Variants in SDAD1 observed in about 807,000 individuals in gnomAD.
The protein encoded by SDAD1 is SDA1 domain containing 1, also known as protein SDA1 homolog.
A neutral mutation model predicts 100.3 loss-of-function variants in SDAD1; 79 were observed. That is an observed-to-expected ratio of 0.79 (90% CI 0.66 to 0.95). The LOEUF (loss-of-function observed/expected upper bound fraction) is 0.95. Among genes scored for constraint, SDAD1 ranks in the 40% least tolerant of loss-of-function variants. The pLI, the probability that SDAD1 is intolerant of heterozygous loss-of-function variation, is 0.00. For synonymous variants in SDAD1, 267 were observed against 271.4 expected (o/e 0.98, Z 0.16); for missense variants, 790 against 810.9 (o/e 0.97, Z 0.31).
Position 75,967,283 on chromosome 4 carries a change from G to A in SDAD1, c.1039C>T (p.Gln347Ter), listed in dbSNP as rs1296572234. The A allele has an allele frequency of 6.2e-7, 1 of 1,614,068 alleles. No individual in the cohort carries two copies. The highest frequency in any genetic ancestry group is 2.2e-5 in the East Asian group (1 of 44,876). The change falls in exon 12 of 22, where the codon CAA (glutamine) becomes TAA (stop). Residue 347 changes from glutamine to a stop codon, truncating the protein, a stop_gained. Transcript: ENST00000356260. LOFTEE classifies it high-confidence loss of function. ...PFLQRFLQPH[Q>*]REVTKILLFA... ...ATGGCAAGTGGCAGCTTACCTCTTTGGTGGGGCTGCAGAAACCTTTGCAAA... is the reference window on the plus strand; with the variant it reads ...ATGGCAAGTGGCAGCTTACCTCTTTAGTGGGGCTGCAGAAACCTTTGCAAA...
intron 12 of SDAD1, among the ~76,000 whole-genome samples, chr4:75,966,143 A>G (rs956958317): frequency 3.9e-5 from 6 of 152,116 alleles, no homozygotes; most frequent in Non-Finnish European, 5.9e-5. Flanking sequence ...GCACATCTAC[A>G]TCTGCCTCCA....
rs1335970620 is a variant in SDAD1, at chr4:75,957,724, G to A, written c.1579-16C>T. On this transcript the variant is annotated splice_polypyrimidine_tract_variant and intron_variant, in intron 18 of 21. Coordinates refer to ENST00000356260, the MANE Select transcript of SDAD1 (RefSeq NM_018115.4). The stretch of plus-strand genomic sequence containing the variant: ...GCTTCTTGGACTTGAAACCACACAA[G>A]GGCTTAAATGGCTACCAGCTCAAGT... The A allele has an allele frequency of 3.7e-6, 6 of 1,613,676 alleles. No individual in the cohort carries two copies. The highest frequency in any genetic ancestry group is 5.1e-6 in the Non-Finnish European group (6 of 1,179,648).
chr4:75,985,840 G>C (rs1252056273), intron 1 of SDAD1, among the ~76,000 whole-genome samples: 1 of 152,082 alleles, frequency 6.6e-6, no homozygotes, highest in East Asian at 1.9e-4. Flanking sequence ...AAACTCCAAC[G>C]ATCCTTCAAT....
intron 3 of SDAD1, among the ~76,000 whole-genome samples, chr4:75,980,539 T>C (rs1730442098): frequency 6.6e-6 from 1 of 152,086 alleles, no homozygotes; most frequent in South Asian, 2.1e-4. Flanking sequence ...GACTGATTTA[T>C]TACAAGTGAT....
Position 75,956,008 on chromosome 4 carries a change from C to A in SDAD1, c.1983G>T (p.Arg661=). The A allele has an allele frequency of 6.3e-7, 1 of 1,598,968 alleles. No individual in the cohort carries two copies. The change falls in exon 21 of 22, where the codon CGG becomes CGT. Residue 661 remains arginine (R), a synonymous_variant. Transcript: ENST00000356260. ...CTCGGAAGGAACGCTTATTTTTTGA[C>A]CGGACATTCTGGCTATACCGCATCA... ...FMMMRYSQNV[R]SKNKRSFREK...
intron 21 of SDAD1, among the ~76,000 whole-genome samples, chr4:75,954,963 A>C (rs1345699738): frequency 6.6e-6 from 1 of 152,112 alleles, no homozygotes; most frequent in Non-Finnish European, 1.5e-5. Context: ...AAGGCATACT[A>C]CCTTCTGAGA....
At chr4:75,962,321 C>A (rs893068650) in intron 14 of SDAD1, among the ~76,000 whole-genome samples, 3 of 152,156 alleles carry the variant, frequency 2.0e-5, no homozygotes, top group African/African-American at 7.2e-5. Context: ...GGGTTGGTTC[C>A]AAGTCTTTGC....
At chr4:75,970,096 T>C (rs115760100) in intron 10 of SDAD1, among the ~76,000 whole-genome samples, 163 of 152,042 alleles carry the variant, frequency 1.1e-3, no homozygotes, top group African/African-American at 3.8e-3. Flanking sequence ...CTCAGAAACA[T>C]CCGTTTTTCC....
At position 75,971,428 on chromosome 4, in the gene SDAD1, C is replaced by T; in HGVS notation, c.742G>A (p.Val248Ile). ...DDGPTARDLL[V>I]QYATGKKSSK... is the part of the protein sequence containing the mutation. Reference sequence around the variant, plus strand: ...CTTTTCTTCCCTGTAGCATATTGTACTAGCAGGTCTCTTGCTGTTGGTCCA... The same window carrying T: ...CTTTTCTTCCCTGTAGCATATTGTATTAGCAGGTCTCTTGCTGTTGGTCCA... The change falls in exon 9 of 22, where the codon GTA (valine) becomes ATA (isoleucine). Residue 248 changes from valine (V) to isoleucine (I), a missense_variant. By Grantham distance (29) the Val-to-Ile change is conservative (BLOSUM62 3). Transcript: ENST00000356260. 6.2e-7 allele frequency: 1 copy of T among 1,613,882 alleles called. No homozygotes were observed. Among genetic ancestry groups the T allele is most frequent in the Non-Finnish European group, 8.5e-7 (1 of 1,179,902 alleles).
At chr4:75,984,185 T>A (rs559776143) in intron 1 of SDAD1, among the ~76,000 whole-genome samples, 1 of 148,858 alleles carries the variant, frequency 6.7e-6, no homozygotes, top group African/African-American at 2.5e-5. Context: ...AAAAAAAGAC[T>A]AGGTCTCCCT....
In SDAD1 at chr4:75,961,450, G is replaced by A; in HGVS notation, c.1182-142C>T. Reference sequence around the variant, plus strand: ...GCTTAGGTCTCCAAAACTGCAGCATGTTAGAGAATGTCAGGTAGGCAGCCT... The same window carrying A: ...GCTTAGGTCTCCAAAACTGCAGCATATTAGAGAATGTCAGGTAGGCAGCCT... On this transcript the variant is annotated intron_variant, in intron 14 of 21. Transcript: ENST00000356260. The A allele has an allele frequency of 6.5e-6, 4 of 614,030 alleles. No individual in the cohort carries two copies. In the East Asian group the frequency reaches 1.1e-4, roughly 18 times the overall value. 38.0% of individuals were successfully genotyped at this position (614,030 alleles called of 1,614,324 possible).
chr4:75,990,206 C>G (rs1416055381), intron 1 of SDAD1, among the ~76,000 whole-genome samples: 3 of 151,962 alleles, frequency 2.0e-5, no homozygotes, highest in African/African-American at 7.3e-5. Context: ...ATGCCAGTCT[C>G]CGGTAAGTTT....
intron 1 of SDAD1, among the ~76,000 whole-genome samples, chr4:75,983,266 T>C (rs1279649773): frequency 3.3e-5 from 5 of 152,332 alleles, no homozygotes; most frequent in Admixed American, 2.6e-4. Flanking sequence ...TGTACATGTG[T>C]ATTTACAGTA....
At chr4:75,965,631 A>G (rs1293110839) in intron 13 of SDAD1, 133 bp downstream of exon 13, 4 of 751,048 alleles carry the variant, frequency 5.3e-6, no homozygotes, top group South Asian at 3.0e-5. Flanking sequence ...CATTTCTCAG[A>G]CCATCTGACA....
chr4:75,958,142 C>T (rs947186333), intron 17 of SDAD1, among the ~76,000 whole-genome samples: 9 of 152,162 alleles, frequency 5.9e-5, no homozygotes, highest in Non-Finnish European at 1.3e-4. Flanking sequence ...CAAGTATCTA[C>T]CATGAGTCAA....
chr4:75,957,709 C>A lies in SDAD1; in HGVS notation c.1579-1G>T, dbSNP rs1230369085. On this transcript the variant is annotated splice_acceptor_variant, in intron 18 of 21. Transcript: ENST00000356260. LOFTEE classifies it high-confidence loss of function. ...TGGGCATGCTGTTCAGCTTCTTGGA[C>A]TTGAAACCACACAAGGGCTTAAATG... is the stretch of plus-strand genomic sequence containing the variant. The A allele has an allele frequency of 6.2e-7, 1 of 1,614,022 alleles. No individual in the cohort carries two copies.
intron 20 of SDAD1, 61 bp from the exon 21 acceptor site, chr4:75,956,197 C>G (rs1024998712): frequency 4.6e-6 from 7 of 1,516,376 alleles, no homozygotes; most frequent in East Asian, 2.2e-5. Context: ...GTCATCTAAT[C>G]AACATTAATG....
intron 14 of SDAD1, among the ~76,000 whole-genome samples, chr4:75,963,915 A>G (rs113100474): frequency 6.8e-4 from 104 of 152,340 alleles, no homozygotes; most frequent in African/African-American, 2.3e-3. Context: ...CTGCTAAAAA[A>G]CAAAAATGCT....
At chr4:75,973,470 C>T (rs1729982003) in intron 7 of SDAD1, 79 bp from the exon 8 acceptor site, 1 of 978,162 alleles carries the variant, frequency 1.0e-6, no homozygotes, top group Non-Finnish European at 1.6e-6. Context: ...ATGCTTTATA[C>T]ATGTGCATGA....
Sources: gnomAD v4.1 joint callset for allele counts (sites outside exome capture counted in the v4.1 genomes callset) on GRCh38, gnomAD v4.1.1 for gene constraint, MANE v1.5 for transcripts, NCBI Gene and HGNC (gene_info 2026-07-23, HGNC 2026-07-21) for gene names.